The following RNF213 variants were observed in gnomAD, a reference collection of about 807,000 sequenced individuals.
RNF213 encodes the protein E3 ubiquitin-protein ligase RNF213.
RNF213 carries 341 observed loss-of-function variants against 514.4 expected under a neutral mutation model. The ratio of observed to expected loss-of-function variants is 0.66; its 90% confidence interval spans 0.61 to 0.73. The LOEUF is 0.73. Ranked by LOEUF, RNF213 falls within the 30% of genes least tolerant of loss-of-function variation. RNF213 has a pLI of 0.00. For missense variants in RNF213, 5,767 were observed against 6,615.6 expected (o/e 0.87, Z 4.45); for synonymous variants, 2,655 against 2,658.2 (o/e 1.00, Z 0.04).
At chr17:80,261,542 C>G (rs989311576) in intron 1 of RNF213, among the ~76,000 whole-genome samples, 1 of 152,202 alleles carries the variant, frequency 6.6e-6, no homozygotes, top group African/African-American at 2.4e-5. Flanking sequence ...GGTGGTGGCC[C>G]TTCCCTGCCC....
At chr17:80,287,519 C>A (rs545101774) in intron 3 of RNF213, among the ~76,000 whole-genome samples, 299 of 152,270 alleles carry the variant, frequency 2.0e-3, no homozygotes, top group African/African-American at 7.1e-3. Context: ...TAAATAAATA[C>A]AAATCCATCT....
At chr17:80,385,272 G>C in intron 60 of RNF213, 101 bp downstream of exon 60, 1 of 1,411,054 alleles carries the variant, frequency 7.1e-7, no homozygotes, top group Admixed American at 1.7e-5. Flanking sequence ...AGGAGGCGCT[G>C]ATGGGTGCTC....
Position 80,291,736 on chromosome 17 carries a change from T to C in RNF213, c.1380T>C (p.Phe460=), listed in dbSNP as rs1239877397. ...ACGTCATTTATAATGGGGAATCTTT[T>C]GAGTATGAGTTCATTTACAAGCACC... The part of the protein sequence containing the change: ...YKYVIYNGES[F]EYEFIYKHQQ... The change falls in exon 8 of 68, where the codon TTT becomes TTC. Residue 460 remains phenylalanine, a synonymous_variant. Transcript: ENST00000582970. The C allele has an allele frequency of 6.2e-7, 1 of 1,614,214 alleles. No individual in the cohort carries two copies. The highest frequency in any genetic ancestry group is 2.2e-5 in the East Asian group (1 of 44,882).
chr17:80,390,208 C>A lies in RNF213; in HGVS notation c.15470+12C>A, dbSNP rs780685025. ...CGCCCTCAGTGGAGGTATGGATTTGCACACCTATGGGGCGGGGCAGACACA... is the reference window on the plus strand; with the variant it reads ...CGCCCTCAGTGGAGGTATGGATTTGAACACCTATGGGGCGGGGCAGACACA... On this transcript the variant is annotated intron_variant, in intron 67 of 67. Transcript: ENST00000582970. 3.0e-5 allele frequency: 48 copies of A among 1,613,452 alleles called. No individual in the cohort carries two copies. The Admixed American group carries it at 4.0e-4, about 13-fold the overall frequency.
At position 80,396,419 on chromosome 17, in the gene RNF213, G is replaced by A. The variant is rs1225645417; in HGVS notation, c.*2921G>A. ...TCCAATTTAGAAACAAACTTCCAGT[G>A]ATAAATATTGGGAAGAAAATGTCAG... On this transcript the variant is annotated 3_prime_UTR_variant, in exon 68 of 68. Coordinates refer to ENST00000582970, the MANE Select transcript of RNF213 (RefSeq NM_001256071.3). 1 of 152,166 alleles carries A rather than the reference G, an allele frequency of 6.6e-6. No individual in the cohort carries two copies. The highest frequency in any genetic ancestry group is 2.4e-5 in the African/African-American group (1 of 41,426). The allele number at this position is 152,166 out of a possible 1,614,324, so 9.4% of individuals were successfully genotyped here. A position where few individuals can be genotyped will look rare whatever the true frequency, so the allele number is the denominator to read the frequency against.
Position 80,347,542 on chromosome 17 carries a change from T to C in RNF213, c.9207T>C (p.Ile3069=). 6.2e-7 allele frequency: 1 copy of C among 1,614,100 alleles called. No homozygotes were observed. The highest frequency in any genetic ancestry group is 1.7e-5 in the Admixed American group (1 of 60,024). Residue 3069 remains isoleucine (I), a synonymous_variant, in exon 29 of 68, where the codon ATT becomes ATC. Transcript: ENST00000582970. This position sits in a 1 kb window ranked among gnomAD's most constrained non-coding sequence, Gnocchi z 7.2. ...AGGGGGACCAGCAGCCGGAGATTAT[T>C]TTTGGTTCTGGTTTCCCCAAGGACC... ...FFEGDQQPEI[I]FGSGFPKDQE... is the part of the protein sequence containing the mutation.
chr17:80,313,035 A>T lies in RNF213; in HGVS notation c.2679A>T (p.Glu893Asp), dbSNP rs1197428475. The T allele has an allele frequency of 1.2e-6, 2 of 1,613,984 alleles. No homozygotes were observed. Among genetic ancestry groups the T allele is most frequent in the South Asian group, 2.2e-5 (2 of 91,088 alleles). The change falls in exon 15 of 68, where the codon GAA (glutamate) becomes GAT (aspartate). Residue 893 changes from glutamate to aspartate, a missense_variant. By Grantham distance (45) the Glu-to-Asp change is conservative. Around this residue, in one of 13 missense-constraint regions of RNF213, gnomAD observed 592 missense variants for 673.9 expected, o/e 0.88. Transcript: ENST00000582970. ...AGGATTCTGCAGGACAGAGAGATGA[A>T]ACTGGAAATAATTCAGTCCAAACAG... is the stretch of plus-strand genomic sequence containing the variant. ...SLVDSAGQRDETGNNSVQTVF... is the reference protein window; with the variant it reads ...SLVDSAGQRDDTGNNSVQTVF...
chr17:80,353,543 T>A lies in RNF213; in HGVS notation c.10455T>A (p.His3485Gln). 6.2e-7 allele frequency: 1 copy of A among 1,613,312 alleles called. No individual in the cohort carries two copies. The highest frequency in any genetic ancestry group is 8.5e-7 in the Non-Finnish European group (1 of 1,179,708). Residue 3485 changes from histidine (H) to glutamine (Q), a missense_variant, in exon 34 of 68, where the codon CAT becomes CAA. Transcript: ENST00000582970. This position sits in a 1 kb window ranked among gnomAD's most constrained non-coding sequence, Gnocchi z 5.0. ...TGGAACACCGGGCGGAAGACGGCCA[T>A]GAGGAGGCGATGGAGACGGAGGCCA... Reference protein sequence around the residue: ...LGLEHRAEDGHEEAMETEAST... With the variant: ...LGLEHRAEDGQEEAMETEAST...
chr17:80,337,702 C>A lies in RNF213; in HGVS notation c.4644C>A (p.Ile1548=). 1 of 1,537,298 alleles carries A rather than the reference C, an allele frequency of 6.5e-7. No homozygotes were observed. Among genetic ancestry groups the A allele is most frequent in the Non-Finnish European group, 8.7e-7 (1 of 1,146,916 alleles). ...TAINQRGIYV[I]QAPKGGQKIS... The stretch of plus-strand genomic sequence containing the variant: ...TCAACCAAAGAGGCATCTATGTGAT[C>A]CAGGCGCCCAAAGGTGGCCAAAAGG... Residue 1548 remains isoleucine (I), a synonymous_variant, in exon 24 of 68, where the codon ATC becomes ATA. Transcript: ENST00000582970.
chr17:80,376,280 G>T (rs759455900), intron 51 of RNF213, 21 bp from the exon 52 acceptor site: 1 of 1,613,794 alleles, frequency 6.2e-7, no homozygotes, highest in Non-Finnish European at 8.5e-7. Context: ...ACATCTTAAT[G>T]TTAAGTTTTT....
At chr17:80,330,363 C>T (rs2046381771) in intron 20 of RNF213, among the ~76,000 whole-genome samples, 1 of 152,206 alleles carries the variant, frequency 6.6e-6, no homozygotes, top group South Asian at 2.1e-4. Context: ...TGGGTTGGCC[C>T]TCTGCGGGGT....
rs1423073846 is a variant in RNF213 at position 80,346,193 on chromosome 17, T to G, written c.7858T>G (p.Cys2620Gly). ...GACTCGCGTGATCACAGAAGTCCTCTGCGCCTCTCAGGGTTTCATGAGGAA... is the reference window on the plus strand; with the variant it reads ...GACTCGCGTGATCACAGAAGTCCTCGGCGCCTCTCAGGGTTTCATGAGGAA... ...NGTRVITEVL[C>G]ASQGFMRKTE... is the part of the protein sequence containing the mutation. Residue 2620 changes from cysteine (C) to glycine (G), a missense_variant, in exon 29 of 68, where the codon TGC (cysteine) becomes GGC (glycine). This residue lies in a region of RNF213 where 1,377 missense variants were observed against 1,635.2 expected (regional missense o/e 0.84). Coordinates refer to ENST00000582970, the MANE Select transcript of RNF213 (RefSeq NM_001256071.3). The surrounding 1 kb of genome is among the most constrained non-coding windows in gnomAD (Gnocchi z 8.1). The G allele has an allele frequency of 9.3e-6, 15 of 1,614,196 alleles. No individual in the cohort carries two copies. The highest frequency in any genetic ancestry group is 8.5e-6 in the Non-Finnish European group (10 of 1,180,032).
chr17:80,291,672 T>C lies in RNF213; in HGVS notation c.1316T>C (p.Ile439Thr), dbSNP rs1191540558. The C allele has an allele frequency of 6.2e-7, 1 of 1,614,252 alleles. No individual in the cohort carries two copies. Among genetic ancestry groups the C allele is most frequent in the Non-Finnish European group, 8.5e-7 (1 of 1,180,046 alleles). Reference sequence around the variant, plus strand: ...GTTCTTGTTGAAGGCATTGTCTGCATTTCCAAGAAGCACCTAGATAAATAC... The same window carrying C: ...GTTCTTGTTGAAGGCATTGTCTGCACTTCCAAGAAGCACCTAGATAAATAC... ...DRVLVEGIVC[I>T]SKKHLDKYIP... Residue 439 changes from isoleucine (I) to threonine (T), a missense_variant, in exon 8 of 68, where the codon ATT becomes ACT. Physicochemically the swap from Ile to Thr is moderately conservative, Grantham distance 89. Coordinates refer to ENST00000582970, the MANE Select transcript of RNF213 (RefSeq NM_001256071.3).
Position 80,388,647 on chromosome 17 carries a change from C to T in RNF213, c.14958C>T (p.Asn4986=), listed in dbSNP as rs1384008232. ...CTCTGGTGTACAGACACGACTGGAA[C>T]TATGAACATCTCTTTATGGACATCA... ...IPTLVYRHDW[N]YEHLFMDIKN... Residue 4986 remains asparagine, a synonymous_variant, in exon 64 of 68, where the codon AAC becomes AAT. Coordinates refer to ENST00000582970, the MANE Select transcript of RNF213 (RefSeq NM_001256071.3). 5.6e-6 allele frequency: 9 copies of T among 1,612,964 alleles called. No homozygotes were observed. Among genetic ancestry groups the T allele is most frequent in the Non-Finnish European group, 7.6e-6 (9 of 1,179,368 alleles).
At position 80,388,605 on chromosome 17, in the gene RNF213, A is replaced by T; in HGVS notation, c.14923-7A>T. On this transcript the variant is annotated splice_polypyrimidine_tract_variant and splice_region_variant and intron_variant, in intron 63 of 67. Coordinates refer to ENST00000582970, the MANE Select transcript of RNF213 (RefSeq NM_001256071.3). Reference sequence around the variant, plus strand: ...ATTTTAAAAAACTTTTTTCTTTCCCAATTTAGGGAATACCCACTCTGGTGT... The same window carrying T: ...ATTTTAAAAAACTTTTTTCTTTCCCTATTTAGGGAATACCCACTCTGGTGT... 6.3e-7 allele frequency: 1 copy of T among 1,597,724 alleles called. No individual in the cohort carries two copies. Among genetic ancestry groups the T allele is most frequent in the African/African-American group, 1.3e-5 (1 of 74,668 alleles).
rs2144154995 is a variant in RNF213 at position 80,348,077 on chromosome 17, C to G, written c.9742C>G (p.Gln3248Glu). The change falls in exon 29 of 68, where the codon CAG becomes GAG. Residue 3248 changes from glutamine (Q) to glutamate (E), a missense_variant. Gln to Glu is a conservative substitution (Grantham distance 29). Around this residue, in one of 13 missense-constraint regions of RNF213, gnomAD observed 919 missense variants for 1,121.0 expected, o/e 0.82. Transcript: ENST00000582970. ...GPRALTEELH[Q>E]KVSEEAKSIL... ...CCGGGCCTTGACGGAGGAACTTCACCAGAAGGTGTCTGAGGAGGCCAAATC... is the reference window on the plus strand; with the variant it reads ...CCGGGCCTTGACGGAGGAACTTCACGAGAAGGTGTCTGAGGAGGCCAAATC... 6.2e-7 allele frequency: 1 copy of G among 1,614,162 alleles called. No homozygotes were observed. Among genetic ancestry groups the G allele is most frequent in the Non-Finnish European group, 8.5e-7 (1 of 1,180,052 alleles).
At chr17:80,319,051 C>A (rs979587890) in intron 16 of RNF213, 139 bp from the exon 17 acceptor site, 1 of 1,579,094 alleles carries the variant, frequency 6.3e-7, no homozygotes, top group Non-Finnish European at 8.6e-7. Flanking sequence ...ACATGCTTTG[C>A]GTGGGCCAGG....
At chr17:80,284,097 C>T (rs1052568824) in intron 3 of RNF213, among the ~76,000 whole-genome samples, 1 of 151,880 alleles carries the variant, frequency 6.6e-6, no homozygotes, top group Non-Finnish European at 1.5e-5. Context: ...CAGTAGCTCA[C>T]GCCTGGAATC....
intron 3 of RNF213, among the ~76,000 whole-genome samples, chr17:80,279,818 A>G (rs546214039): frequency 6.7e-4 from 102 of 152,324 alleles, no homozygotes; most frequent in Admixed American, 2.0e-3. Flanking sequence ...GGACTCACTA[A>G]TAATATCAAA....
Sources: gnomAD v4.1 joint callset for allele counts (sites outside exome capture counted in the v4.1 genomes callset) on GRCh38, gnomAD v4.1.1 for gene constraint, gnomAD v4.1.1 regional missense constraint, Gnocchi (gnomAD v3.1) non-coding constraint, MANE v1.5 for transcripts, NCBI Gene and HGNC (gene_info 2026-07-23, HGNC 2026-07-21) for gene names.